Variants in CEACAM20 observed in about 807,000 individuals in gnomAD.
CEACAM20 encodes the protein cell adhesion molecule CEACAM20.
Under a neutral mutation model 61.2 loss-of-function variants are expected in CEACAM20, and 50 were observed. That is an observed-to-expected ratio of 0.82 (90% CI 0.65 to 1.03). CEACAM20 has a LOEUF of 1.03. Ranked by LOEUF, CEACAM20 falls within the 50% of genes least tolerant of loss-of-function variation. CEACAM20 has a pLI of 0.00. For missense variants in CEACAM20, 683 were observed against 736.4 expected, an observed-to-expected ratio of 0.93 and a Z score of 0.84; for synonymous variants, 282 against 287.7, an observed-to-expected ratio of 0.98 and a Z score of 0.20.
rs1971225062 is a variant in CEACAM20, at chr19:44,518,081, G to GAAAGAAAGAAAGAAAGAAAGAAAGAAA, written c.1031-858_1031-857insTTTCTTTCTTTCTTTCTTTCTTTCTTT. On this transcript the variant is annotated intron_variant, in intron 5 of 11. Coordinates refer to ENST00000614924, the MANE Select transcript of CEACAM20 (RefSeq NM_001102597.3). ...ATAGAGTGAGACTCAAAAGGAAAGA[G>GAAAGAAAGAAAGAAAGAAAGAAAGAAA]GAAAGAAAGAAAGAAAGAAAGAAAG... 7.2e-4 allele frequency among the ~76,000 whole-genome samples: 76 copies of GAAAGAAAGAAAGAAAGAAAGAAAGAAA among 105,974 alleles called. 8 individuals are homozygous for GAAAGAAAGAAAGAAAGAAAGAAAGAAA. The highest frequency in any genetic ancestry group is 1.6e-3 in the East Asian group (6 of 3,844). 69.5% of individuals were successfully genotyped at this position (105,974 alleles called of 152,430 possible).
In CEACAM20 at chr19:44,528,956, C is replaced by CTTTTTTTTTTTT. The variant is rs71171255; in HGVS notation, c.52+490_52+501dup. On this transcript the variant is annotated intron_variant, in intron 1 of 11. Coordinates refer to ENST00000614924, the MANE Select transcript of CEACAM20 (RefSeq NM_001102597.3). Reference sequence around the variant, plus strand: ...TATTTCTGTATTTCTCTCTTTCTTTCTTTTTTTTTTTTTTTTTTTTGAGAC... The same window carrying CTTTTTTTTTTTT: ...TATTTCTGTATTTCTCTCTTTCTTTCTTTTTTTTTTTTTTTTTTTTTTTTTTTTTTTTGAGAC... 6.4e-4 allele frequency among the ~76,000 whole-genome samples: 59 copies of CTTTTTTTTTTTT among 92,608 alleles called. 1 individual carries two copies. The highest frequency in any genetic ancestry group is 8.1e-4 in the Non-Finnish European group (41 of 50,626). The allele number at this position is 92,608 out of a possible 152,430, so 60.8% of individuals were successfully genotyped here.
intron 1 of CEACAM20, among the ~76,000 whole-genome samples, chr19:44,528,156 T>TC (rs1971586495): frequency 8.7e-5 from 10 of 114,582 alleles, no homozygotes; most frequent in African/African-American, 4.5e-4. Context: ...TTTCTTTCTT[T>TC]CTTTTCTTTC....
intron 2 of CEACAM20, among the ~76,000 whole-genome samples, chr19:44,524,534 A>C (rs1055113198): frequency 6.6e-6 from 1 of 152,156 alleles, no homozygotes; most frequent in African/African-American, 2.4e-5. Context: ...TGTCAGCTGC[A>C]ATGACAATCA....
Position 44,525,833 on chromosome 19 carries a change from C to A in CEACAM20, c.53-589G>T, listed in dbSNP as rs574021826. On this transcript the variant is annotated intron_variant, in intron 1 of 11. Transcript: ENST00000614924. Reference sequence around the variant, plus strand: ...CTTCCTAGGGTTGTTGTGGGGGTGGCAATGAATATTGGCAAACTTTGACTG... The same window carrying A: ...CTTCCTAGGGTTGTTGTGGGGGTGGAAATGAATATTGGCAAACTTTGACTG... Among the ~76,000 whole-genome samples the A allele has an allele frequency of 2.0e-5, 3 of 152,306 alleles. No individual in the cohort carries two copies. The East Asian group carries it at 5.8e-4, about 29-fold the overall frequency.
In CEACAM20 at chr19:44,514,331, C is replaced by T. The variant is rs534928347; in HGVS notation, c.1310-1042G>A. Among the ~76,000 whole-genome samples, 11 of 152,236 alleles carry T rather than the reference C, an allele frequency of 7.2e-5. No homozygotes were observed. The South Asian group carries it at 2.3e-3, about 32-fold the overall frequency. On this transcript the variant is annotated intron_variant, in intron 6 of 11. Coordinates refer to ENST00000614924, the MANE Select transcript of CEACAM20 (RefSeq NM_001102597.3). ...CCTCTCTCAAAAGGGTGGAATCGAG[C>T]CACTGAGTTAAGAACACAGCTACAA...
intron 11 of CEACAM20, among the ~76,000 whole-genome samples, chr19:44,510,539 GGAAGGAAGGAAAGAAA>G (rs1282795628): frequency 1.9e-5 from 1 of 51,490 alleles, no homozygotes; most frequent in Non-Finnish European, 4.2e-5. Flanking sequence ...ATGAAAGGAA[GGAAGGAAGGAAAGAAA>G]GAAAGAAAGA....
chr19:44,528,159 TTTCTTTCTTTC>T (rs1971588106), intron 1 of CEACAM20, among the ~76,000 whole-genome samples: 6 of 77,082 alleles, frequency 7.8e-5, no homozygotes, highest in Admixed American at 4.5e-4. Flanking sequence ...CTTTCTTTCT[TTTCTTTCTTTC>T]CTTTCTTTCT....
Position 44,517,189 on chromosome 19 carries a change from C to T in CEACAM20, c.1066G>A (p.Ala356Thr), listed in dbSNP as rs774566459. The T allele has an allele frequency of 4.3e-6, 7 of 1,610,338 alleles. No homozygotes were observed. Among genetic ancestry groups the T allele is most frequent in the African/African-American group, 2.7e-5 (2 of 74,882 alleles). ...TCTATGGTGCTGATCATCTCAGATG[C>T]CGACTCCCTGGTGATGTGCACTTGG... ...PDQVHITRES[A>T]SEMISTIEAE... The change falls in exon 6 of 12, where the codon GCA (alanine) becomes ACA (threonine). Residue 356 changes from alanine to threonine, a missense_variant. By Grantham distance (58) the Ala-to-Thr change is moderately conservative. Transcript: ENST00000614924.
intron 11 of CEACAM20, among the ~76,000 whole-genome samples, chr19:44,510,778 A>G (rs926848921): frequency 2.0e-5 from 3 of 152,170 alleles, no homozygotes; most frequent in Non-Finnish European, 4.4e-5. Flanking sequence ...CAGAAAATGA[A>G]TAAAGCTAAA....
chr19:44,518,170 GAAA>G (rs1971246317), intron 5 of CEACAM20, among the ~76,000 whole-genome samples: 1 of 143,010 alleles, frequency 7.0e-6, no homozygotes, highest in Non-Finnish European at 1.5e-5. Context: ...AAGGAAGGAA[GAAA>G]GCAGGCAGGC....
Position 44,528,874 on chromosome 19 carries a change from GTCTC to G in CEACAM20, c.52+580_52+583del, listed in dbSNP as rs1047372124. ...CACTGACAAATATACATATATCTTTGTCTCTCTGTCTCTGGTCTCTGTTTATGTC... is the reference window on the plus strand; with the variant it reads ...CACTGACAAATATACATATATCTTTGTCTGTCTCTGGTCTCTGTTTATGTC... On this transcript the variant is annotated intron_variant, in intron 1 of 11. Coordinates refer to ENST00000614924, the MANE Select transcript of CEACAM20 (RefSeq NM_001102597.3). Among the ~76,000 whole-genome samples the G allele has an allele frequency of 1.1e-4, 16 of 143,370 alleles. No homozygotes were observed. The East Asian group carries it at 1.9e-3, about 17-fold the overall frequency. 94.1% of individuals were successfully genotyped at this position (143,370 alleles called of 152,430 possible). A position where few individuals can be genotyped will look rare whatever the true frequency, so the allele number is the denominator to read the frequency against.
chr19:44,512,018 A>G lies in CEACAM20; in HGVS notation c.1574T>C (p.Leu525Pro). 1 of 1,608,240 alleles carries G rather than the reference A, an allele frequency of 6.2e-7. No individual in the cohort carries two copies. The highest frequency in any genetic ancestry group is 8.5e-7 in the Non-Finnish European group (1 of 1,177,430). Residue 525 changes from leucine to proline, a missense_variant and splice_region_variant, in exon 9 of 12, where the codon CTG becomes CCG. By Grantham distance (98) the Leu-to-Pro change is moderately conservative. Transcript: ENST00000614924. Reference protein sequence around the residue: ...SQLQGRIRVELMQPPDLPEET... With the variant: ...SQLQGRIRVEPMQPPDLPEET... Reference sequence around the variant, plus strand: ...GGTTCCCTCTGCAGCATCACTCACCAGTTCGACTCTGATCCGTCCCTGAAG... The same window carrying G: ...GGTTCCCTCTGCAGCATCACTCACCGGTTCGACTCTGATCCGTCCCTGAAG...
intron 1 of CEACAM20, among the ~76,000 whole-genome samples, chr19:44,528,148 TCTTTCTTTCTTTTCTTTCTTTC>T (rs1203332421): frequency 2.9e-4 from 30 of 103,294 alleles, no homozygotes; most frequent in East Asian, 2.1e-3. Flanking sequence ...TTCTTTCTTT[TCTTTCTTTCTTTTCTTTCTTTC>T]CTTTCTTTCT....
intron 11 of CEACAM20, among the ~76,000 whole-genome samples, chr19:44,508,185 T>G (rs1340230522): frequency 1.3e-5 from 2 of 152,232 alleles, no homozygotes; most frequent in East Asian, 3.8e-4. Context: ...AAATTCTGAC[T>G]GGTCACTGGC....
chr19:44,519,670 A>G (rs1971294319), intron 5 of CEACAM20, among the ~76,000 whole-genome samples: 1 of 152,204 alleles, frequency 6.6e-6, no homozygotes, highest in Non-Finnish European at 1.5e-5. Context: ...TCCACAGTGC[A>G]ACCATTTCTC....
chr19:44,523,023 G>A, intron 3 of CEACAM20, 111 bp from the exon 4 acceptor site: 1 of 954,546 alleles, frequency 1.0e-6, no homozygotes, highest in Non-Finnish European at 1.6e-6. Flanking sequence ...CCACTCAAAG[G>A]CTAGATCAAT....
rs1043143403 is a variant in CEACAM20 at position 44,509,331 on chromosome 19, C to T, written c.1737+1699G>A. Among the ~76,000 whole-genome samples, 9 of 145,792 alleles carry T rather than the reference C, an allele frequency of 6.2e-5. No homozygotes were observed. In the South Asian group the frequency reaches 1.7e-3, roughly 28 times the overall value. ...GTAATATAGTAGAAGGAAAGTATAA[C>T]ATTAAAGAATAAAAATAAAGCAACG... On this transcript the variant is annotated intron_variant, in intron 11 of 11. Coordinates refer to ENST00000614924, the MANE Select transcript of CEACAM20 (RefSeq NM_001102597.3).
chr19:44,511,091 G>C lies in CEACAM20; in HGVS notation c.1676C>G (p.Pro559Arg), dbSNP rs1243533425. ...SFSPWKPPPKPLMPPLRLVST... is the reference protein window; with the variant it reads ...SFSPWKPPPKRLMPPLRLVST... ...GACCAATCTGAGTGGGGGCATCAGA[G>C]GTTTGGGTGGTGGCTTCCAGGGGCT... Residue 559 changes from proline to arginine, a missense_variant, in exon 11 of 12, where the codon CCT (proline) becomes CGT (arginine). Coordinates refer to ENST00000614924, the MANE Select transcript of CEACAM20 (RefSeq NM_001102597.3). The C allele has an allele frequency of 1.9e-6, 3 of 1,613,874 alleles. No homozygotes were observed. The Admixed American group carries it at 5.0e-5, about 27-fold the overall frequency.
At chr19:44,529,354 GCACACACACACACACACACACACA>G (rs71940010) in intron 1 of CEACAM20, 80 bp downstream of exon 1, 90 of 660,322 alleles carry the variant, frequency 1.4e-4, no homozygotes, top group Non-Finnish European at 2.0e-4. Flanking sequence ...TTCCTCGAGT[GCACACACACACACACACACACACA>G]CACACACACA....
Sources: gnomAD v4.1 joint callset for allele counts (sites outside exome capture counted in the v4.1 genomes callset) on GRCh38, gnomAD v4.1.1 for gene constraint, MANE v1.5 for transcripts, NCBI Gene and HGNC (gene_info 2026-07-23, HGNC 2026-07-21) for gene names.